The following MINDY4 variants were observed in gnomAD, a reference collection of about 807,000 sequenced individuals.
The protein encoded by MINDY4 is MINDY lysine 48 deubiquitinase 4, also known as probable ubiquitin carboxyl-terminal hydrolase MINDY-4.
MINDY4 carries 68 observed loss-of-function variants against 87.0 expected under a neutral mutation model. The ratio of observed to expected loss-of-function variants is 0.78; its 90% CI spans 0.64 to 0.96. The LOEUF (loss-of-function observed/expected upper bound fraction) is 0.96, where lower values mean the gene tolerates loss of function less well. Ranked by LOEUF, MINDY4 falls within the 40% of genes least tolerant of loss-of-function variation. MINDY4 has a pLI of 0.00. For missense variants in MINDY4, 919 were observed against 928.2 expected (o/e 0.99, Z 0.13); for synonymous variants, 379 against 363.2 (o/e 1.04, Z -0.50).
At chr7:30,854,403 A>C (rs1248947319) in intron 12 of MINDY4, among the ~76,000 whole-genome samples, 1 of 152,152 alleles carries the variant, frequency 6.6e-6, no homozygotes, top group Admixed American at 6.5e-5. Flanking sequence ...GGCAGCCTTG[A>C]GATGGGTTCC....
chr7:30,855,670 G>A (rs559698398), intron 12 of MINDY4, among the ~76,000 whole-genome samples: 1 of 152,352 alleles, frequency 6.6e-6, no homozygotes, highest in African/African-American at 2.4e-5. Context: ...CTCCCCCTCA[G>A]CCTGTACCCC....
intron 5 of MINDY4, among the ~76,000 whole-genome samples, chr7:30,827,770 C>T (rs1788556017): frequency 6.6e-6 from 1 of 152,102 alleles, no homozygotes; most frequent in Non-Finnish European, 1.5e-5. Flanking sequence ...CATTCACGCC[C>T]CTTCATACAT....
At chr7:30,839,450 G>C in intron 8 of MINDY4, 134 bp downstream of exon 8, 1 of 565,338 alleles carries the variant, frequency 1.8e-6, no homozygotes, top group Non-Finnish European at 3.2e-6. Flanking sequence ...CACATGTGCT[G>C]AGTTGTCACT....
At chr7:30,888,999 G>A (rs1020046687) in intron 17 of MINDY4, among the ~76,000 whole-genome samples, 1 of 152,146 alleles carries the variant, frequency 6.6e-6, no homozygotes, top group African/African-American at 2.4e-5. Context: ...AGGTACTTCA[G>A]TCTTTCTGAG....
intron 12 of MINDY4, among the ~76,000 whole-genome samples, chr7:30,856,613 G>A (rs985461872): frequency 6.6e-6 from 1 of 152,146 alleles, no homozygotes. Flanking sequence ...CACAGACCAA[G>A]AAAGTACTGC....
intron 5 of MINDY4, among the ~76,000 whole-genome samples, chr7:30,806,426 A>G (rs1006810095): frequency 6.6e-6 from 1 of 152,236 alleles, no homozygotes; most frequent in Non-Finnish European, 1.5e-5. Flanking sequence ...CACAATGGTT[A>G]TTTTAATAAA....
At chr7:30,835,089 G>A (rs149563937) in intron 6 of MINDY4, among the ~76,000 whole-genome samples, 1,587 of 152,250 alleles carry the variant, frequency 0.01, 11 homozygotes, top group Middle Eastern at 0.017. Flanking sequence ...TTTCAGCAGC[G>A]CCCCACTTTA....
chr7:30,779,666 C>G (rs1268171109), intron 2 of MINDY4: 1 of 152,190 alleles, frequency 6.6e-6, no homozygotes, highest in Non-Finnish European at 1.5e-5. Flanking sequence ...GGAGGGGGAG[C>G]TGTGAGCCAG....
intron 2 of MINDY4, chr7:30,780,897 A>G (rs1786992373): frequency 6.6e-6 from 1 of 152,268 alleles, no homozygotes; most frequent in African/African-American, 2.4e-5. Context: ...GCTTCATTTA[A>G]TCTTAGACAA....
At chr7:30,774,024 T>C (rs149729805) in intron 1 of MINDY4, among the ~76,000 whole-genome samples, 19 of 152,322 alleles carry the variant, frequency 1.2e-4, no homozygotes, top group Middle Eastern at 3.4e-3. Flanking sequence ...CTGAATGAGA[T>C]TGGAGAGAAA....
At chr7:30,804,254 T>A (rs559175339) in intron 5 of MINDY4, among the ~76,000 whole-genome samples, 19 of 152,344 alleles carry the variant, frequency 1.2e-4, no homozygotes, top group African/African-American at 4.6e-4. Flanking sequence ...AAATTCTACT[T>A]TGTTTTCTCT....
At chr7:30,837,520 C>T (rs749537815) in intron 7 of MINDY4, among the ~76,000 whole-genome samples, 1 of 152,096 alleles carries the variant, frequency 6.6e-6, no homozygotes, top group Non-Finnish European at 1.5e-5. Context: ...CGTTTCCTTC[C>T]CCTCTCCTCC....
At chr7:30,786,144 C>G in intron 4 of MINDY4, 152 bp downstream of exon 4, 1 of 1,039,252 alleles carries the variant, frequency 9.6e-7, no homozygotes, top group Non-Finnish European at 1.4e-6. Context: ...TCTGTTTTCT[C>G]CCTGGCTCTA....
Position 30,778,516 on chromosome 7 carries a change from G to T in MINDY4, c.148G>T (p.Val50Phe), listed in dbSNP as rs770060133. 1 of 1,614,212 alleles carries T rather than the reference G, an allele frequency of 6.2e-7. No individual in the cohort carries two copies. The highest frequency in any genetic ancestry group is 2.2e-5 in the East Asian group (1 of 44,890). ...AAACAACAGAAATGATCTTCGAAAG[G>T]TTTTGCATCTTGAATTTCTCTATAA... ...SINNRNDLRKVLHLEFLYKEN... is the reference protein window; with the variant it reads ...SINNRNDLRKFLHLEFLYKEN... The change falls in exon 2 of 18, where the codon GTT (valine) becomes TTT (phenylalanine). Residue 50 changes from valine to phenylalanine, a missense_variant. Transcript: ENST00000265299.
chr7:30,810,973 C>A (rs930399666), intron 5 of MINDY4, among the ~76,000 whole-genome samples: 5 of 152,126 alleles, frequency 3.3e-5, no homozygotes, highest in African/African-American at 1.2e-4. Context: ...GGTTTATCTT[C>A]CACTTTTCTT....
At chr7:30,788,507 C>G (rs558101204) in intron 4 of MINDY4, among the ~76,000 whole-genome samples, 1 of 152,192 alleles carries the variant, frequency 6.6e-6, no homozygotes, top group Non-Finnish European at 1.5e-5. Context: ...GATGTCACCC[C>G]CAGCTCATCC....
At chr7:30,866,069 C>A (rs1031417840) in intron 13 of MINDY4, among the ~76,000 whole-genome samples, 5 of 152,194 alleles carry the variant, frequency 3.3e-5, no homozygotes, top group African/African-American at 1.2e-4. Flanking sequence ...CAAGTCACAG[C>A]CACTGAGCTG....
intron 5 of MINDY4, among the ~76,000 whole-genome samples, chr7:30,801,872 A>T (rs907529228): frequency 6.6e-6 from 1 of 152,148 alleles, no homozygotes; most frequent in African/African-American, 2.4e-5. Context: ...GGAAGGGAAG[A>T]TGAGTGATCT....
At chr7:30,783,856 A>G (rs1787074675) in intron 3 of MINDY4, among the ~76,000 whole-genome samples, 1 of 152,236 alleles carries the variant, frequency 6.6e-6, no homozygotes, top group South Asian at 2.1e-4. Context: ...CACTGCAGAG[A>G]TGGGAAAAAT....
Sources: allele counts gnomAD v4.1 joint callset (sites outside exome capture counted in the v4.1 genomes callset), GRCh38; gene constraint gnomAD v4.1.1; transcripts MANE v1.5; gene names NCBI Gene and HGNC (gene_info 2026-07-23, HGNC 2026-07-21).